POLR1C: variants seen among roughly 807,000 people sequenced by gnomAD.
The protein encoded by POLR1C is RNA polymerase I and III subunit C, also known as DNA-directed RNA polymerases I and III subunit RPAC1.
In POLR1C, 42 loss-of-function variants were observed where a neutral mutation model predicts 38.3. The ratio of observed to expected loss-of-function variants is 1.10; its 90% CI spans 0.86 to 1.42. The LOEUF (loss-of-function observed/expected upper bound fraction) is 1.42, where lower values mean the gene tolerates loss of function less well. Among genes scored for constraint, POLR1C ranks in the 40% most tolerant of loss-of-function variants. The probability of loss-of-function intolerance (pLI) is 0.00; values close to 1 mark genes in which losing one functional copy is unlikely to be tolerated. For missense variants in POLR1C, 507 were observed against 450.5 expected (o/e 1.13, Z -1.14); for synonymous variants, 163 against 163.9 (o/e 0.99, Z 0.04).
downstream of POLR1C, among the ~76,000 whole-genome samples, chr6:43,534,387 G>A (rs1794185503): frequency 6.6e-6 from 1 of 152,182 alleles, no homozygotes; most frequent in Non-Finnish European, 1.5e-5. Context: ...ACACAGAGGA[G>A]GTGGTAATTT....
chr6:43,521,624 C>A, downstream of POLR1C: 1 of 421,440 alleles, frequency 2.4e-6, no homozygotes. Context: ...TGGGTTCAAG[C>A]AATTCTCAGG....
intron 8 of POLR1C, chr6:43,528,707 G>T: frequency 1.1e-6 from 1 of 939,370 alleles, no homozygotes; most frequent in Non-Finnish European, 1.7e-6. Context: ...TAGAAGCTCT[G>T]CCCAGCCAGT....
At chr6:43,520,467 C>G in intron 6 of POLR1C, 40 bp downstream of exon 6, 7 of 1,611,566 alleles carry the variant, frequency 4.3e-6, no homozygotes, top group Non-Finnish European at 5.9e-6. Context: ...GGGGATAGTT[C>G]GGTTGCAGTG....
chr6:43,539,682 C>A (rs1409033428), intron 9 of POLR1C: 1 of 892,684 alleles, frequency 1.1e-6, no homozygotes, highest in Admixed American at 2.5e-5. Flanking sequence ...GGCCCCCCCA[C>A]TGCACCGGCG....
rs1017737027 is a variant in POLR1C at position 43,520,169 on chromosome 6, G to A, written c.486G>A (p.Leu162=). 6.2e-7 allele frequency: 1 copy of A among 1,614,130 alleles called. No homozygotes were observed. Among genetic ancestry groups the A allele is most frequent in the African/African-American group, 1.3e-5 (1 of 74,932 alleles). Residue 162 remains leucine, a synonymous_variant, in exon 5 of 9, where the codon CTG becomes CTA. Transcript: ENST00000642195. ...AAKDSSDPNE[L]YVNHKVYTRH... ...AAGATTCCTCTGACCCCAACGAACT[G>A]TACGTGAACCACAAAGGTGAGTAGT...
chr6:43,550,544 CAT>C (rs1334640892), intron 9 of POLR1C, among the ~76,000 whole-genome samples: 8 of 152,230 alleles, frequency 5.3e-5, no homozygotes, highest in African/African-American at 4.8e-5. Flanking sequence ...GCTTGACTCA[CAT>C]GTCTCCTAAC....
chr6:43,544,654 G>A (rs1263077706), intron 9 of POLR1C, among the ~76,000 whole-genome samples: 1 of 152,100 alleles, frequency 6.6e-6, no homozygotes, highest in Admixed American at 6.6e-5. Context: ...GGCTGGGTGT[G>A]GTGGTTCACA....
At chr6:43,550,004 C>G (rs376800283) in intron 9 of POLR1C, 74 of 1,523,094 alleles carry the variant, frequency 4.9e-5, no homozygotes, top group Non-Finnish European at 6.2e-5. Context: ...CTATGTTGCC[C>G]AGACTAGACT....
rs975531507 is a variant in POLR1C at position 43,546,900 on chromosome 6, C to A, written c.*5-4068C>A. On this transcript the variant is annotated intron_variant, in intron 9 of 10. Transcript: ENST00000607635. ...CTCTGCTCCCCGGCAATCCCCCATC[C>A]CTTCCTTTAAGGTGAAGTCCAAGAG... 13 of 838,124 alleles carry A rather than the reference C, an allele frequency of 1.6e-5. No individual in the cohort carries two copies. In the African/African-American group the frequency reaches 2.3e-4, roughly 15 times the overall value. The allele number at this position is 838,124 out of a possible 1,614,324, so 51.9% of individuals were successfully genotyped here.
intron 9 of POLR1C, among the ~76,000 whole-genome samples, chr6:43,541,058 G>A (rs1226563234): frequency 6.6e-6 from 1 of 152,036 alleles, no homozygotes; most frequent in Non-Finnish European, 1.5e-5. Context: ...TAAACAATTC[G>A]ACTCATGGAC....
chr6:43,519,281 G>A (rs1793012621), intron 2 of POLR1C, 52 bp from the exon 3 acceptor site: 2 of 1,096,738 alleles, frequency 1.8e-6, no homozygotes, highest in African/African-American at 1.5e-5. Flanking sequence ...GGTATGAAGA[G>A]ATATTACACA....
downstream of POLR1C, chr6:43,521,650 T>C (rs1368010471): frequency 1.7e-5 from 6 of 355,368 alleles, no homozygotes; most frequent in South Asian, 1.1e-4. Context: ...GAGGCAAGAG[T>C]AGCTGATGCT....
downstream of POLR1C, chr6:43,525,725 A>T: frequency 9.0e-7 from 1 of 1,109,392 alleles, no homozygotes; most frequent in Non-Finnish European, 1.3e-6. Context: ...CCAGGAACTT[A>T]TGTAACAAAG....
At chr6:43,562,211 G>A in exon 11 of POLR1C, 4 of 1,541,570 alleles carry the variant, frequency 2.6e-6, no homozygotes, top group Non-Finnish European at 3.5e-6. Context: ...TTCCCAAATG[G>A]GCTTGAAGCT....
chr6:43,526,520 G>A (rs1278176685), intron 8 of POLR1C: 2 of 703,992 alleles, frequency 2.8e-6, no homozygotes, highest in Admixed American at 4.5e-5. Context: ...AAGGCTTGGA[G>A]GTGGGAGTAT....
chr6:43,522,126 C>G (rs544827308), downstream of POLR1C, among the ~76,000 whole-genome samples: 2 of 152,188 alleles, frequency 1.3e-5, no homozygotes, highest in Admixed American at 6.5e-5. Context: ...CAGCCACACA[C>G]GAAAGACACT....
In POLR1C at chr6:43,520,196, G is replaced by A. The variant is rs1793069001; in HGVS notation, c.502+11G>A. On this transcript the variant is annotated intron_variant, in intron 5 of 8. Coordinates refer to ENST00000642195, the MANE Select transcript of POLR1C (RefSeq NM_203290.4). Reference sequence around the variant, plus strand: ...ACGTGAACCACAAAGGTGAGTAGTGGTAGGGTGAGGAAGAGGCCCCACCTG... The same window carrying A: ...ACGTGAACCACAAAGGTGAGTAGTGATAGGGTGAGGAAGAGGCCCCACCTG... The A allele has an allele frequency of 6.2e-7, 1 of 1,614,202 alleles. No homozygotes were observed. Among genetic ancestry groups the A allele is most frequent in the Non-Finnish European group, 8.5e-7 (1 of 1,180,048 alleles).
At position 43,520,073 on chromosome 6, in the gene POLR1C, A is replaced by G. The variant is rs374806421; in HGVS notation, c.390A>G (p.Glu130=). ...CTCCCTCCATTTGTGCAGGAGATGA[A>G]GAAGGCACAGAGATAGATACTCTAC... is the stretch of plus-strand genomic sequence containing the variant. The part of the protein sequence containing the change: ...RLFEYRNQGD[E]EGTEIDTLQF... The change falls in exon 5 of 9, where the codon GAA becomes GAG. Residue 130 remains glutamate (E), a synonymous_variant. Transcript: ENST00000642195. 1.3e-5 allele frequency: 21 copies of G among 1,614,076 alleles called. No individual in the cohort carries two copies. The highest frequency in any genetic ancestry group is 1.5e-5 in the Non-Finnish European group (18 of 1,180,028).
At position 43,538,139 on chromosome 6, in the gene POLR1C, C is replaced by CTTTTTTT. The variant is rs1160662301; in HGVS notation, c.*4+8802_*4+8808dup. 2.6e-3 allele frequency among the ~76,000 whole-genome samples: 126 copies of CTTTTTTT among 48,956 alleles called. 11 individuals are homozygous for CTTTTTTT. The highest frequency in any genetic ancestry group is 1.0e-2 in the African/African-American group (121 of 12,126). The allele number at this position is 48,956 out of a possible 152,430, so 32.1% of individuals were successfully genotyped here. The stretch of plus-strand genomic sequence containing the variant: ...TATAAATTTAGAGCCTAAGAGACAT[C>CTTTTTTT]TTTTTTTTTTTTTTTTTTTTTTTTT... On this transcript the variant is annotated intron_variant, in intron 9 of 10. Coordinates refer to the POLR1C transcript ENST00000607635.
Sources: allele counts gnomAD v4.1 joint callset (sites outside exome capture counted in the v4.1 genomes callset), GRCh38; gene constraint gnomAD v4.1.1; transcripts MANE v1.5; gene names NCBI Gene and HGNC (gene_info 2026-07-23, HGNC 2026-07-21).